CACNA1C: variants seen among roughly 807,000 people sequenced by gnomAD.
CACNA1C encodes the protein calcium voltage-gated channel subunit alpha1 C, also known as voltage-dependent L-type calcium channel subunit alpha-1C.
A neutral mutation model predicts 229.0 loss-of-function variants in CACNA1C; 30 were observed. The ratio of observed to expected loss-of-function variants is 0.13; its 90% confidence interval spans 0.10 to 0.18. The LOEUF is 0.18. CACNA1C is among the 10% of genes least tolerant of loss of function. The pLI, the probability that CACNA1C is intolerant of heterozygous loss-of-function variation, is 1.00. For missense variants in CACNA1C, 1,658 were observed against 2,845.0 expected (o/e 0.58, Z 9.49); for synonymous variants, 1,114 against 1,132.5 (o/e 0.98, Z 0.33).
chr12:2,667,555 A>C (rs985220437), intron 37 of CACNA1C, among the ~76,000 whole-genome samples: 10 of 152,140 alleles, frequency 6.6e-5, no homozygotes, highest in African/African-American at 2.2e-4. Flanking sequence ...ACAACAACAA[A>C]AACAGATTTT....
At chr12:2,484,440 G>C (rs2099689356) in intron 5 of CACNA1C, among the ~76,000 whole-genome samples, 1 of 152,226 alleles carries the variant, frequency 6.6e-6, no homozygotes, top group African/African-American at 2.4e-5. Flanking sequence ...GGGCCCTGTA[G>C]GGCACAGGAA....
At chr12:2,680,716 A>G in intron 42 of CACNA1C, 1 of 668,004 alleles carries the variant, frequency 1.5e-6, no homozygotes, top group Non-Finnish European at 2.5e-6. Flanking sequence ...CCATTTCAAG[A>G]GGGCTGCATG....
Position 2,449,256 on chromosome 12 carries a change from T to C in CACNA1C, c.617+141T>C, listed in dbSNP as rs552535781. On this transcript the variant is annotated intron_variant, in intron 4 of 46. Transcript: ENST00000399655. ...TGATCTAGAGTGAGAAAAATGAGAT[T>C]TATTTTGCTAAAAGGAACAGAAAGG... 8.5e-6 allele frequency: 5 copies of C among 591,168 alleles called. No homozygotes were observed. The African/African-American group carries it at 9.6e-5, about 11-fold the overall frequency. 36.6% of individuals were successfully genotyped at this position (591,168 alleles called of 1,614,324 possible). A position where few individuals can be genotyped will look rare whatever the true frequency, so the allele number is the denominator to read the frequency against.
chr12:2,665,085 C>T lies in CACNA1C; in HGVS notation c.4398+95C>T. On this transcript the variant is annotated intron_variant, in intron 35 of 46. Coordinates refer to ENST00000399655, the MANE Select transcript of CACNA1C (RefSeq NM_000719.7). This position sits in a 1 kb window ranked among gnomAD's most constrained non-coding sequence, Gnocchi z 5.9. ...TCTCTGCAGCTCATGGTCAGGGCAA[C>T]CCTATCAGAGGAGCTGGCTTGGGAA... The T allele has an allele frequency of 6.7e-6, 9 of 1,349,024 alleles. No homozygotes were observed. Among genetic ancestry groups the T allele is most frequent in the Non-Finnish European group, 9.4e-6 (9 of 956,882 alleles). The allele number at this position is 1,349,024 out of a possible 1,614,324, so 83.6% of individuals were successfully genotyped here.
intron 3 of CACNA1C, among the ~76,000 whole-genome samples, chr12:2,439,432 G>A: frequency 6.6e-6 from 1 of 152,236 alleles, no homozygotes; most frequent in East Asian, 1.9e-4. Flanking sequence ...CTCATCCCCA[G>A]ACCTGCCTGT....
chr12:2,366,086 A>G (rs2097711963), intron 3 of CACNA1C, among the ~76,000 whole-genome samples: 1 of 152,262 alleles, frequency 6.6e-6, no homozygotes, highest in Non-Finnish European at 1.5e-5. Context: ...AGCATAGTAT[A>G]AAATGGACCA....
intron 3 of CACNA1C, among the ~76,000 whole-genome samples, chr12:2,185,840 T>C (rs1242426732): frequency 6.6e-6 from 1 of 152,170 alleles, no homozygotes; most frequent in Non-Finnish European, 1.5e-5. Context: ...CCCTTCCTCC[T>C]GCACCACGTG....
chr12:2,274,513 G>A (rs905792548), intron 3 of CACNA1C, among the ~76,000 whole-genome samples: 1 of 152,242 alleles, frequency 6.6e-6, no homozygotes, highest in Non-Finnish European at 1.5e-5. Flanking sequence ...TGAGACTTGT[G>A]AGAGAGAACA....
At chr12:2,364,148 G>A (rs949027615) in intron 3 of CACNA1C, among the ~76,000 whole-genome samples, 8 of 152,186 alleles carry the variant, frequency 5.3e-5, no homozygotes, top group Admixed American at 5.2e-4. Context: ...CGAGAGGTGA[G>A]GCCGGAGTGA....
chr12:2,474,274 A>C (rs1190968581), intron 5 of CACNA1C, among the ~76,000 whole-genome samples: 1 of 152,202 alleles, frequency 6.6e-6, no homozygotes, highest in African/African-American at 2.4e-5. Context: ...GTTGCTCAGC[A>C]AACAGCCAGT....
At chr12:2,201,269 C>A (rs2097573023) in intron 3 of CACNA1C, among the ~76,000 whole-genome samples, 1 of 152,156 alleles carries the variant, frequency 6.6e-6, no homozygotes, top group African/African-American at 2.4e-5. Flanking sequence ...AACTTAGCCG[C>A]AGTTGGAGAT....
chr12:2,234,791 A>G (rs564607407), intron 3 of CACNA1C, among the ~76,000 whole-genome samples: 1 of 152,244 alleles, frequency 6.6e-6, no homozygotes, highest in African/African-American at 2.4e-5. Flanking sequence ...TAACTATTTC[A>G]ATTAAAAGTA....
chr12:2,262,863 T>C (rs2080862004), intron 3 of CACNA1C, among the ~76,000 whole-genome samples: 1 of 152,142 alleles, frequency 6.6e-6, no homozygotes, highest in Admixed American at 6.5e-5. Flanking sequence ...CAAATAATGG[T>C]CAAGGGCTGG....
At chr12:2,255,109 T>G (rs2076910661) in intron 3 of CACNA1C, among the ~76,000 whole-genome samples, 1 of 152,118 alleles carries the variant, frequency 6.6e-6, no homozygotes, top group African/African-American at 2.4e-5. Context: ...CCTCCCTGGC[T>G]TCATGGCTGA....
rs1431994941 is a variant in CACNA1C at position 2,440,631 on chromosome 12, T to A, written c.478-8345T>A. On this transcript the variant is annotated intron_variant, in intron 3 of 46. Transcript: ENST00000399655. ...AGGCTTTTACCTGCCCAGCAGCTCC[T>A]GTTGGGCACAGTAACCCAGGGGTTT... Among the ~76,000 whole-genome samples the A allele has an allele frequency of 2.6e-5, 4 of 152,312 alleles. No homozygotes were observed. In the East Asian group the frequency reaches 7.7e-4, roughly 29 times the overall value.
intron 3 of CACNA1C, among the ~76,000 whole-genome samples, chr12:2,389,817 A>G (rs1212838094): frequency 6.6e-6 from 1 of 151,670 alleles, no homozygotes; most frequent in Non-Finnish European, 1.5e-5. Flanking sequence ...CGTTCTTCCA[A>G]CCCTCCGGCA....
chr12:2,205,172 T>G (rs1033283917), intron 3 of CACNA1C, among the ~76,000 whole-genome samples: 19 of 152,086 alleles, frequency 1.2e-4, no homozygotes, highest in African/African-American at 4.6e-4. Context: ...AAGGAAGCCA[T>G]GTATTCGGGC....
intron 1 of CACNA1C, chr12:2,010,797 A>C (rs949987986): frequency 2.0e-5 from 3 of 152,192 alleles, no homozygotes; most frequent in Non-Finnish European, 4.4e-5. Context: ...CCCAACGTCC[A>C]CGAGTCTCAA....
At chr12:2,594,959 C>T (rs1245885725) in intron 19 of CACNA1C, among the ~76,000 whole-genome samples, 1 of 152,246 alleles carries the variant, frequency 6.6e-6, no homozygotes, top group Non-Finnish European at 1.5e-5. Context: ...CAATTCTGCC[C>T]TCCTGGCTGG....
Sources: gnomAD v4.1 joint callset for allele counts (sites outside exome capture counted in the v4.1 genomes callset) on GRCh38, gnomAD v4.1.1 for gene constraint, Gnocchi (gnomAD v3.1) non-coding constraint, MANE v1.5 for transcripts, NCBI Gene and HGNC (gene_info 2026-07-23, HGNC 2026-07-21) for gene names.